PRR16: variants seen among roughly 807,000 people sequenced by gnomAD.
PRR16 encodes the protein protein Largen.
Under a neutral mutation model 18.2 loss-of-function variants are expected in PRR16, and 6 were observed. The observed-to-expected ratio is 0.33, with a 90% CI of 0.18 to 0.65. The LOEUF is 0.65. PRR16 is among the 30% of genes least tolerant of loss of function. PRR16 has a pLI of 0.74. For synonymous variants in PRR16, 151 were observed against 147.8 expected (o/e 1.02, Z -0.16); for missense variants, 412 against 376.6 (o/e 1.09, Z -0.78).
At chr5:120,761,176 G>A in the PRR16 span, among the ~76,000 whole-genome samples, 1 of 151,878 alleles carries the variant, frequency 6.6e-6, no homozygotes, top group Non-Finnish European at 1.5e-5. Flanking sequence ...TGTATTTTAA[G>A]CCTATTTTAA....
intron 1 of PRR16, among the ~76,000 whole-genome samples, chr5:120,660,175 A>G (rs1756128443): frequency 6.6e-6 from 1 of 152,130 alleles, no homozygotes; most frequent in African/African-American, 2.4e-5. Flanking sequence ...TAGTATACTT[A>G]GAAATTTTCC....
chr5:120,709,076 C>T, the PRR16 span, among the ~76,000 whole-genome samples: 5 of 142,174 alleles, frequency 3.5e-5, no homozygotes, highest in Non-Finnish European at 6.0e-5. Flanking sequence ...GGCGCAATCT[C>T]GGCTCACTGC....
intron 1 of PRR16, among the ~76,000 whole-genome samples, chr5:120,552,053 C>G (rs1752270387): frequency 6.6e-6 from 1 of 151,930 alleles, no homozygotes; most frequent in Non-Finnish European, 1.5e-5. Context: ...AATTCACAAT[C>G]CTCTATGACA....
At chr5:120,664,564 G>A (rs1012323828) in intron 1 of PRR16, among the ~76,000 whole-genome samples, 8 of 151,474 alleles carry the variant, frequency 5.3e-5, no homozygotes, top group Non-Finnish European at 1.2e-4. Flanking sequence ...CCATTACCTC[G>A]TCATTTAGCA....
intron 1 of PRR16, among the ~76,000 whole-genome samples, chr5:120,543,214 A>G (rs1251736224): frequency 6.6e-6 from 1 of 152,158 alleles, no homozygotes; most frequent in Non-Finnish European, 1.5e-5. Context: ...CTTGCTTGGG[A>G]AATTTTTGTA....
the PRR16 span, among the ~76,000 whole-genome samples, chr5:120,724,938 A>G: frequency 6.6e-6 from 1 of 152,108 alleles, no homozygotes; most frequent in Non-Finnish European, 1.5e-5. Flanking sequence ...TATATATAGT[A>G]TAATTTCAGT....
chr5:120,794,121 C>T, the PRR16 span, among the ~76,000 whole-genome samples: 1 of 152,106 alleles, frequency 6.6e-6, no homozygotes, highest in Non-Finnish European at 1.5e-5. Context: ...ACTATAATCT[C>T]TCTCACTCAT....
the PRR16 span, among the ~76,000 whole-genome samples, chr5:120,725,009 A>T: frequency 6.6e-6 from 1 of 152,118 alleles, no homozygotes; most frequent in African/African-American, 2.4e-5. Context: ...TCATCCTTTT[A>T]TCTTGAAAAA....
At chr5:120,716,482 G>A in the PRR16 span, among the ~76,000 whole-genome samples, 1 of 152,112 alleles carries the variant, frequency 6.6e-6, no homozygotes, top group Non-Finnish European at 1.5e-5. Context: ...TTCAGCAACT[G>A]TATCACCAGC....
chr5:120,646,068 A>ATATATATATATATT lies in PRR16; in HGVS notation c.160-39879_160-39878insATATATTTATATAT, dbSNP rs1179382569. Among the ~76,000 whole-genome samples, 4 of 139,216 alleles carry ATATATATATATATT rather than the reference A, an allele frequency of 2.9e-5. No homozygotes were observed. The East Asian group carries it at 8.6e-4, about 30-fold the overall frequency. The allele number at this position is 139,216 out of a possible 152,430, so 91.3% of individuals were successfully genotyped here. On this transcript the variant is annotated intron_variant, in intron 1 of 1. Transcript: ENST00000407149. ...ATATTTTATATATATATATATATATATATATATCATAGTTTCATGAATATT... is the reference window on the plus strand; with the variant it reads ...ATATTTTATATATATATATATATATATATATATATATATTTATATATCATAGTTTCATGAATATT...
chr5:120,578,445 T>C (rs180817151), intron 1 of PRR16, among the ~76,000 whole-genome samples: 2 of 152,290 alleles, frequency 1.3e-5, no homozygotes, highest in East Asian at 1.9e-4. Context: ...CCCCTCTCTG[T>C]TTCCATGTGT....
chr5:120,632,440 C>T (rs1755088392), intron 1 of PRR16, among the ~76,000 whole-genome samples: 1 of 151,470 alleles, frequency 6.6e-6, no homozygotes, highest in Non-Finnish European at 1.5e-5. Context: ...CCAGGAGGCA[C>T]CAGAGAAAGG....
intron 1 of PRR16, among the ~76,000 whole-genome samples, chr5:120,589,042 C>T (rs1030676038): frequency 4.6e-5 from 7 of 151,928 alleles, no homozygotes; most frequent in Non-Finnish European, 7.4e-5. Flanking sequence ...CTTAATCTCT[C>T]TGTGCTTCAA....
intron 1 of PRR16, among the ~76,000 whole-genome samples, chr5:120,581,259 T>C (rs1181356762): frequency 6.6e-6 from 1 of 152,226 alleles, no homozygotes; most frequent in Non-Finnish European, 1.5e-5. Context: ...GTAGGATGTA[T>C]GCATCCAGGA....
chr5:120,646,740 G>C (rs916988112), intron 1 of PRR16, among the ~76,000 whole-genome samples: 1 of 151,994 alleles, frequency 6.6e-6, no homozygotes, highest in Non-Finnish European at 1.5e-5. Flanking sequence ...CTAAGATCCT[G>C]ATTTGGGATA....
At chr5:120,642,819 A>G (rs1164318674) in intron 1 of PRR16, among the ~76,000 whole-genome samples, 2 of 152,036 alleles carry the variant, frequency 1.3e-5, no homozygotes, top group Non-Finnish European at 2.9e-5. Context: ...CTTTCTCTGT[A>G]TGCTCCCACT....
intron 1 of PRR16, among the ~76,000 whole-genome samples, chr5:120,583,313 ATGTGTGTGTGTG>A (rs35255792): frequency 1.3e-5 from 2 of 149,012 alleles, no homozygotes; most frequent in Non-Finnish European, 3.0e-5. Flanking sequence ...ATACAAAATA[ATGTGTGTGTGTG>A]TGTGTGTGTG....
chr5:120,753,061 G>T, the PRR16 span, among the ~76,000 whole-genome samples: 1 of 151,914 alleles, frequency 6.6e-6, no homozygotes, highest in Non-Finnish European at 1.5e-5. Flanking sequence ...GTGAGCAGAG[G>T]AATGATATGA....
In PRR16 at chr5:120,686,419, G is replaced by A; in HGVS notation, c.625G>A (p.Glu209Lys). Residue 209 changes from glutamate to lysine, a missense_variant, in exon 2 of 2, where the codon GAA becomes AAA. Physicochemically the swap from Glu to Lys is moderately conservative, Grantham distance 56 (BLOSUM62 1). Transcript: ENST00000407149. ...AGPRERVRFNEKVQYHGYCPD... is the reference protein window; with the variant it reads ...AGPRERVRFNKKVQYHGYCPD... ...GCCTCGAGAACGAGTTCGGTTTAAT[G>A]AAAAAGTACAGTACCATGGCTATTG... The A allele has an allele frequency of 6.2e-7, 1 of 1,614,110 alleles. No individual in the cohort carries two copies. Among genetic ancestry groups the A allele is most frequent in the African/African-American group, 1.3e-5 (1 of 75,032 alleles).
Sources: gnomAD v4.1 joint callset for allele counts (sites outside exome capture counted in the v4.1 genomes callset) on GRCh38, gnomAD v4.1.1 for gene constraint, MANE v1.5 for transcripts, NCBI Gene and HGNC (gene_info 2026-07-23, HGNC 2026-07-21) for gene names.